The following DLG2 variants were observed in gnomAD, a reference collection of about 807,000 sequenced individuals.
The protein encoded by DLG2 is disks large homolog 2.
DLG2 carries 45 observed loss-of-function variants against 132.5 expected under a neutral mutation model. That is an observed-to-expected ratio of 0.34 (90% CI 0.27 to 0.44). The LOEUF (loss-of-function observed/expected upper bound fraction) is 0.44, where lower values mean the gene tolerates loss of function less well. Ranked by LOEUF, DLG2 falls within the 20% of genes least tolerant of loss-of-function variation. DLG2 has a pLI of 1.00. For missense variants in DLG2, 1,045 were observed against 1,196.9 expected (o/e 0.87, Z 1.87); for synonymous variants, 424 against 419.6 (o/e 1.01, Z -0.13).
intron 6 of DLG2, among the ~76,000 whole-genome samples, chr11:84,808,113 A>G (rs571498291): frequency 6.6e-6 from 1 of 152,280 alleles, no homozygotes; most frequent in Admixed American, 6.5e-5. Context: ...ATCTCAATAA[A>G]TTTAAAATAA....
chr11:85,314,976 T>C (rs2152814035), intron 3 of DLG2, among the ~76,000 whole-genome samples: 2 of 152,140 alleles, frequency 1.3e-5, no homozygotes, highest in East Asian at 3.9e-4. Flanking sequence ...TCATTTCATC[T>C]AAGCCTGGAA....
At chr11:84,257,214 T>G (rs2154354907) in intron 7 of DLG2, among the ~76,000 whole-genome samples, 1 of 152,340 alleles carries the variant, frequency 6.6e-6, no homozygotes, top group African/African-American at 2.4e-5. Flanking sequence ...CTTCATTTCC[T>G]GAATTACATT....
At chr11:83,564,305 T>C (rs2096664179) in intron 19 of DLG2, among the ~76,000 whole-genome samples, 1 of 152,164 alleles carries the variant, frequency 6.6e-6, no homozygotes, top group Admixed American at 6.5e-5. Context: ...TGTCCTAAGA[T>C]ACCATAGACA....
intron 3 of DLG2, among the ~76,000 whole-genome samples, chr11:85,501,412 G>C (rs1191065503): frequency 3.3e-5 from 5 of 152,078 alleles, no homozygotes; most frequent in Admixed American, 1.3e-4. Flanking sequence ...AGCCAAACTA[G>C]ACAAATGGGA....
chr11:85,456,893 G>A (rs1397899089), intron 3 of DLG2, among the ~76,000 whole-genome samples: 2 of 152,112 alleles, frequency 1.3e-5, no homozygotes, highest in African/African-American at 4.8e-5. Flanking sequence ...GTTGTGCCAT[G>A]TGGTGATGAG....
intron 7 of DLG2, among the ~76,000 whole-genome samples, chr11:84,451,597 C>T (rs1257694677): frequency 6.6e-6 from 1 of 151,702 alleles, no homozygotes; most frequent in Admixed American, 6.6e-5. Context: ...ATCCCTCCTC[C>T]ACTTATTTAT....
chr11:84,061,903 T>C (rs1006619652), intron 10 of DLG2, among the ~76,000 whole-genome samples: 4 of 150,994 alleles, frequency 2.6e-5, no homozygotes, highest in African/African-American at 9.7e-5. Flanking sequence ...TTTGAGAATG[T>C]AGGCATCATG....
chr11:83,619,285 T>G (rs1006352427), intron 19 of DLG2, among the ~76,000 whole-genome samples: 1 of 152,220 alleles, frequency 6.6e-6, no homozygotes, highest in Admixed American at 6.5e-5. Context: ...CACTATATAT[T>G]AGATGACTAT....
At chr11:83,645,038 A>T (rs772971645) in intron 18 of DLG2, among the ~76,000 whole-genome samples, 8 of 152,160 alleles carry the variant, frequency 5.3e-5, no homozygotes, top group Non-Finnish European at 1.0e-4. Context: ...TCATTTAGGC[A>T]TCTCTTTCAC....
intron 6 of DLG2, among the ~76,000 whole-genome samples, chr11:84,866,681 G>C (rs1600246499): frequency 6.6e-6 from 1 of 152,120 alleles, no homozygotes. Context: ...GAAATAGAAG[G>C]GAGGGAAGAT....
At chr11:84,464,949 C>T (rs374312679) in intron 7 of DLG2, among the ~76,000 whole-genome samples, 27 of 151,164 alleles carry the variant, frequency 1.8e-4, no homozygotes, top group Non-Finnish European at 1.0e-4. Flanking sequence ...CAAAAAAATC[C>T]GTTATAGGTC....
chr11:84,163,721 A>T (rs1036874402), intron 8 of DLG2, among the ~76,000 whole-genome samples: 2 of 152,304 alleles, frequency 1.3e-5, no homozygotes. Context: ...AAAAATACTC[A>T]AAGATTATTG....
intron 6 of DLG2, among the ~76,000 whole-genome samples, chr11:84,858,140 G>A (rs947887411): frequency 6.6e-6 from 1 of 152,026 alleles, no homozygotes; most frequent in African/African-American, 2.4e-5. Context: ...TGATCTGCCT[G>A]CCTCAGCCTC....
In DLG2 at chr11:84,334,442, G is replaced by A. The variant is rs570937379; in HGVS notation, c.520-83151C>T. 2.0e-5 allele frequency among the ~76,000 whole-genome samples: 3 copies of A among 152,228 alleles called. No individual in the cohort carries two copies. In the South Asian group the frequency reaches 6.2e-4, roughly 32 times the overall value. ...GAGGTGTTTGTTTAACCACTTTTCT[G>A]AGTTTCAAGTGACATATTACAAGTT... On this transcript the variant is annotated intron_variant, in intron 7 of 27. Transcript: ENST00000376104.
chr11:84,201,627 C>T (rs2096594778), intron 8 of DLG2, among the ~76,000 whole-genome samples: 3 of 149,268 alleles, frequency 2.0e-5, no homozygotes, highest in African/African-American at 7.4e-5. Flanking sequence ...GCCTCAATTA[C>T]AGAACACATT....
At chr11:84,968,258 C>T (rs957167268) in intron 6 of DLG2, among the ~76,000 whole-genome samples, 6 of 152,032 alleles carry the variant, frequency 3.9e-5, no homozygotes, top group African/African-American at 1.2e-4. Flanking sequence ...TAGCACAATG[C>T]ATATTTTGTA....
chr11:84,591,956 C>T (rs2154530757), intron 6 of DLG2, among the ~76,000 whole-genome samples: 1 of 152,212 alleles, frequency 6.6e-6, no homozygotes, highest in South Asian at 2.1e-4. Flanking sequence ...TGGGTTTAAG[C>T]CATCCTCTCA....
chr11:84,088,058 T>C (rs2097021289), intron 10 of DLG2, among the ~76,000 whole-genome samples: 1 of 152,200 alleles, frequency 6.6e-6, no homozygotes, highest in African/African-American at 2.4e-5. Flanking sequence ...TATTTGCAAG[T>C]ATTTTCTCTC....
At chr11:84,880,150 A>G (rs2154053481) in intron 6 of DLG2, among the ~76,000 whole-genome samples, 1 of 152,252 alleles carries the variant, frequency 6.6e-6, no homozygotes, top group African/African-American at 2.4e-5. Context: ...CCAGACAGAG[A>G]GATCAAATAC....
Sources: gnomAD v4.1 joint callset for allele counts (sites outside exome capture counted in the v4.1 genomes callset) on GRCh38, gnomAD v4.1.1 for gene constraint, MANE v1.5 for transcripts, NCBI Gene and HGNC (gene_info 2026-07-23, HGNC 2026-07-21) for gene names.